Variants in RND3 observed in about 807,000 individuals in gnomAD.
RND3 encodes rho-related GTP-binding protein RhoE.
In RND3, 8 loss-of-function variants were observed where a neutral mutation model predicts 26.5. That is an observed-to-expected ratio of 0.30 (90% CI 0.18 to 0.54). The LOEUF (loss-of-function observed/expected upper bound fraction) is 0.54, where lower values mean the gene tolerates loss of function less well. Ranked by LOEUF, RND3 falls within the 20% of genes least tolerant of loss-of-function variation. RND3 has a pLI of 0.94. For missense variants in RND3, 207 were observed against 302.8 expected, an observed-to-expected ratio of 0.68 and a Z score of 2.35; for synonymous variants, 113 against 113.0, an observed-to-expected ratio of 1.00 and a Z score of 0.00.
At chr2:150,478,983 A>T (rs1686227487) in intron 3 of RND3, among the ~76,000 whole-genome samples, 1 of 152,118 alleles carries the variant, frequency 6.6e-6, no homozygotes, top group Non-Finnish European at 1.5e-5. Flanking sequence ...AAACTTAGGG[A>T]AACTCTATAT....
In RND3 at chr2:150,469,657, C is replaced by A; in HGVS notation, c.*330G>T. ...ATAGATTATAACAAAAAAAAAAAACCCAAAAATGCAAGCACCATTCAGAGT... is the reference window on the plus strand; with the variant it reads ...ATAGATTATAACAAAAAAAAAAAACACAAAAATGCAAGCACCATTCAGAGT... On this transcript the variant is annotated 3_prime_UTR_variant, in exon 6 of 6. Transcript: ENST00000263895. 3 of 179,420 alleles carry A rather than the reference C, an allele frequency of 1.7e-5. No individual in the cohort carries two copies. The highest frequency in any genetic ancestry group is 1.5e-4 in the South Asian group (1 of 6,572). The allele number at this position is 179,420 out of a possible 1,614,324, so 11.1% of individuals were successfully genotyped here.
chr2:150,478,262 A>G (rs924882708), intron 3 of RND3, among the ~76,000 whole-genome samples: 38 of 146,444 alleles, frequency 2.6e-4, no homozygotes, highest in African/African-American at 1.0e-3. Context: ...GTAACTTTAC[A>G]GTGTTTACTC....
At chr2:150,470,341 G>T in intron 5 of RND3, 103 bp from the exon 6 acceptor site, 2 of 1,265,474 alleles carry the variant, frequency 1.6e-6, no homozygotes, top group Non-Finnish European at 2.2e-6. Context: ...CAAAACGTTT[G>T]CTGATATGTT....
intron 3 of RND3, among the ~76,000 whole-genome samples, chr2:150,483,504 A>G (rs1245742601): frequency 6.6e-6 from 1 of 152,208 alleles, no homozygotes; most frequent in Non-Finnish European, 1.5e-5. Flanking sequence ...CCAGAGTTAT[A>G]TTGATGGCCT....
intron 3 of RND3, 95 bp from the exon 4 acceptor site, chr2:150,475,079 C>A: frequency 1.5e-6 from 1 of 686,910 alleles, no homozygotes; most frequent in Non-Finnish European, 2.6e-6. Flanking sequence ...CTTTGACTGT[C>A]ACATCACGAC....
rs1273246896 is a variant in RND3, at chr2:150,469,974, G to C, written c.*13C>G. 6.2e-7 allele frequency: 1 copy of C among 1,611,496 alleles called. No homozygotes were observed. The highest frequency in any genetic ancestry group is 8.5e-7 in the Non-Finnish European group (1 of 1,178,166). ...ACTAGATTCCTTTGTCTTCATTAAA[G>C]ATAATGAAAGATTCACATCACAGTG... On this transcript the variant is annotated 3_prime_UTR_variant, in exon 6 of 6. Transcript: ENST00000263895.
chr2:150,486,817 A>T lies in RND3; in HGVS notation c.151-36T>A, dbSNP rs1686380212. On this transcript the variant is annotated intron_variant, in intron 2 of 5. Coordinates refer to ENST00000263895, the MANE Select transcript of RND3 (RefSeq NM_005168.5). This position sits in a 1 kb window ranked among gnomAD's most constrained non-coding sequence, Gnocchi z 4.5. ...AAAATGGGCAAAAGAGGAAGGAAAG[A>T]GGGCAAAGAGGTTACGTTTAAACGC... 2 of 1,425,550 alleles carry T rather than the reference A, an allele frequency of 1.4e-6. No individual in the cohort carries two copies. The highest frequency in any genetic ancestry group is 3.3e-5 in the Admixed American group (2 of 59,776). 88.3% of individuals were successfully genotyped at this position (1,425,550 alleles called of 1,614,324 possible). A position where few individuals can be genotyped will look rare whatever the true frequency, so the allele number is the denominator to read the frequency against.
intron 4 of RND3, among the ~76,000 whole-genome samples, chr2:150,474,494 C>G (rs1283905504): frequency 6.6e-6 from 1 of 152,160 alleles, no homozygotes; most frequent in Non-Finnish European, 1.5e-5. Flanking sequence ...TTATTGCATT[C>G]CTTTCACTAT....
chr2:150,484,551 G>T (rs1387953594), intron 3 of RND3, among the ~76,000 whole-genome samples: 2 of 152,114 alleles, frequency 1.3e-5, no homozygotes, highest in African/African-American at 4.8e-5. Context: ...GCCTGGCTCT[G>T]CCCAGAACCT....
At chr2:150,485,432 C>T (rs1443644820) in intron 3 of RND3, 1 of 152,336 alleles carries the variant, frequency 6.6e-6, no homozygotes, top group Non-Finnish European at 1.5e-5. Flanking sequence ...AGGCCACTCC[C>T]CGCTGGGCGC....
Position 150,471,610 on chromosome 2 carries a change from A to T in RND3, c.483+17T>A, listed in dbSNP as rs754599817. 2 of 1,570,590 alleles carry T rather than the reference A, an allele frequency of 1.3e-6. No homozygotes were observed. Among genetic ancestry groups the T allele is most frequent in the Non-Finnish European group, 1.7e-6 (2 of 1,161,432 alleles). On this transcript the variant is annotated intron_variant, in intron 5 of 5. Coordinates refer to ENST00000263895, the MANE Select transcript of RND3 (RefSeq NM_005168.5). ...CTCTTTCTAAAATCCAGTTTTGCACATGGGCAACATACATACCTGGTCATA... is the reference window on the plus strand; with the variant it reads ...CTCTTTCTAAAATCCAGTTTTGCACTTGGGCAACATACATACCTGGTCATA...
At chr2:150,481,720 A>G (rs1238252823) in intron 3 of RND3, among the ~76,000 whole-genome samples, 3 of 151,992 alleles carry the variant, frequency 2.0e-5, no homozygotes, top group Non-Finnish European at 2.9e-5. Context: ...TATATGCTAA[A>G]TCACCAAAAA....
intron 3 of RND3, among the ~76,000 whole-genome samples, chr2:150,483,619 C>CA (rs1407333711): frequency 2.6e-5 from 4 of 152,118 alleles, no homozygotes; most frequent in South Asian, 4.2e-4. Context: ...AAACATTTAC[C>CA]AAAAAATAGT....
intron 4 of RND3, among the ~76,000 whole-genome samples, chr2:150,473,486 AC>A (rs1686117863): frequency 6.6e-6 from 1 of 152,188 alleles, no homozygotes; most frequent in African/African-American, 2.4e-5. Context: ...CTGTGTAATG[AC>A]TTTGGCCTCC....
Position 150,487,470 on chromosome 2 carries a change from A to T in RND3, c.-38-15T>A, listed in dbSNP as rs527968438. 26 of 402,440 alleles carry T rather than the reference A, an allele frequency of 6.5e-5. No individual in the cohort carries two copies. Among genetic ancestry groups the T allele is most frequent in the Admixed American group, 1.6e-4 (2 of 12,734 alleles). 24.9% of individuals were successfully genotyped at this position (402,440 alleles called of 1,614,324 possible). On this transcript the variant is annotated splice_polypyrimidine_tract_variant and intron_variant, in intron 1 of 5. Transcript: ENST00000263895. Reference sequence around the variant, plus strand: ...AGGAATTTTCTCTTAAGAAGAAAAAAAAAAATATATATATATATATATATT... The same window carrying T: ...AGGAATTTTCTCTTAAGAAGAAAAATAAAAATATATATATATATATATATT...
At chr2:150,485,750 C>G (rs997918842) in intron 3 of RND3, among the ~76,000 whole-genome samples, 1 of 152,142 alleles carries the variant, frequency 6.6e-6, no homozygotes, top group Non-Finnish European at 1.5e-5. Context: ...TGGCCTAAAC[C>G]CCTAACTCAG....
At chr2:150,477,008 A>C (rs776867801) in intron 3 of RND3, among the ~76,000 whole-genome samples, 1 of 152,154 alleles carries the variant, frequency 6.6e-6, no homozygotes, top group Non-Finnish European at 1.5e-5. Context: ...GCAGTCAGAA[A>C]ATTCTAGATC....
At chr2:150,481,335 CT>C (rs1236282657) in intron 3 of RND3, among the ~76,000 whole-genome samples, 1 of 152,138 alleles carries the variant, frequency 6.6e-6, no homozygotes, top group African/African-American at 2.4e-5. Context: ...AGGAGGAAGT[CT>C]TTCTATGTCC....
rs756136608 is a variant in RND3, at chr2:150,486,332, G to A, written c.238+362C>T. ...TAGGAGGGGCGCCCGCCTTGAGCCG[G>A]GTGGTTCCGCCGAGGCGCACGCAGC... On this transcript the variant is annotated intron_variant, in intron 3 of 5. Coordinates refer to ENST00000263895, the MANE Select transcript of RND3 (RefSeq NM_005168.5). This position sits in a 1 kb window ranked among gnomAD's most constrained non-coding sequence, Gnocchi z 4.5. 1.4e-4 allele frequency among the ~76,000 whole-genome samples: 22 copies of A among 152,096 alleles called. No individual in the cohort carries two copies. Among genetic ancestry groups the A allele is most frequent in the Non-Finnish European group, 2.9e-4 (20 of 68,028 alleles).
Sources: gnomAD v4.1 joint callset for allele counts (sites outside exome capture counted in the v4.1 genomes callset) on GRCh38, gnomAD v4.1.1 for gene constraint, Gnocchi (gnomAD v3.1) non-coding constraint, MANE v1.5 for transcripts, NCBI Gene and HGNC (gene_info 2026-07-23, HGNC 2026-07-21) for gene names.